Variants in GRM8 observed in about 807,000 individuals in gnomAD.
The protein encoded by GRM8 is glutamate metabotropic receptor 8.
A neutral mutation model predicts 87.2 loss-of-function variants in GRM8; 47 were observed. That is an observed-to-expected ratio of 0.54 (90% CI 0.43 to 0.69). GRM8 has a LOEUF of 0.69. Ranked by LOEUF, GRM8 falls within the 30% of genes least tolerant of loss-of-function variation. GRM8 has a pLI of 0.00. For synonymous variants in GRM8, 396 were observed against 404.5 expected (o/e 0.98, Z 0.25); for missense variants, 1,019 against 1,139.2 (o/e 0.89, Z 1.52).
intron 3 of GRM8, among the ~76,000 whole-genome samples, chr7:126,982,092 C>T (rs552579443): frequency 1.3e-5 from 2 of 152,236 alleles, no homozygotes; most frequent in East Asian, 3.9e-4. Flanking sequence ...AGCAAGGAAG[C>T]CAGTCTGAGT....
chr7:127,166,137 C>T (rs1391423627), intron 2 of GRM8, among the ~76,000 whole-genome samples: 1 of 152,110 alleles, frequency 6.6e-6, no homozygotes, highest in African/African-American at 2.4e-5. Context: ...TTTTAAAACA[C>T]ACACCCACCT....
At chr7:127,192,859 C>G (rs1443890222) in intron 2 of GRM8, among the ~76,000 whole-genome samples, 3 of 152,182 alleles carry the variant, frequency 2.0e-5, no homozygotes, top group Non-Finnish European at 4.4e-5. Context: ...CACACTCTGA[C>G]CCTGCTCTGG....
At chr7:126,650,708 C>T (rs904354113) in intron 7 of GRM8, among the ~76,000 whole-genome samples, 11 of 151,440 alleles carry the variant, frequency 7.3e-5, no homozygotes, top group African/African-American at 2.7e-4. Context: ...ATTTGTATCC[C>T]AAGTGAGCGC....
At chr7:126,928,892 AG>A (rs1385091534) in intron 3 of GRM8, among the ~76,000 whole-genome samples, 1 of 152,190 alleles carries the variant, frequency 6.6e-6, no homozygotes, top group African/African-American at 2.4e-5. Flanking sequence ...TACGTATTCA[AG>A]GGTGATGCAG....
chr7:126,906,477 G>A (rs951800395), intron 3 of GRM8, among the ~76,000 whole-genome samples: 6 of 152,006 alleles, frequency 3.9e-5, no homozygotes, highest in Non-Finnish European at 7.4e-5. Flanking sequence ...CCACCACACC[G>A]CACTGGTCTC....
rs151309283 is a variant in GRM8, at chr7:126,656,852, G to A, written c.1358-47354C>T. Among the ~76,000 whole-genome samples, 224 of 152,234 alleles carry A rather than the reference G, an allele frequency of 1.5e-3. 2 individuals are homozygous for A. The East Asian group carries it at 0.036, about 25-fold the overall frequency. On this transcript the variant is annotated intron_variant, in intron 7 of 10. Transcript: ENST00000339582. ...AAAAAGTTATGCCTCTCATCAGTAA[G>A]CATAGCCTTTAAAAGCTAGGCATAT...
intron 9 of GRM8, among the ~76,000 whole-genome samples, chr7:126,492,493 TACACAA>T (rs1808138460): frequency 1.3e-5 from 2 of 152,064 alleles, no homozygotes; most frequent in African/African-American, 2.4e-5. Flanking sequence ...ATTACTGACT[TACACAA>T]GGGCATGGTC....
At chr7:126,979,606 T>C (rs1029138706) in intron 3 of GRM8, among the ~76,000 whole-genome samples, 2 of 152,194 alleles carry the variant, frequency 1.3e-5, no homozygotes, top group African/African-American at 4.8e-5. Context: ...TTGAAGTTTT[T>C]CTAGTCATCT....
chr7:126,477,254 G>A (rs961150053), intron 9 of GRM8, among the ~76,000 whole-genome samples: 1 of 152,028 alleles, frequency 6.6e-6, no homozygotes, highest in Non-Finnish European at 1.5e-5. Flanking sequence ...GGGAAATGGG[G>A]TAATGTTGGT....
intron 9 of GRM8, among the ~76,000 whole-genome samples, chr7:126,470,998 A>G (rs1404948850): frequency 6.6e-6 from 1 of 152,194 alleles, no homozygotes; most frequent in Non-Finnish European, 1.5e-5. Context: ...TCTTTTGAGA[A>G]GTGTCTGCTC....
intron 7 of GRM8, among the ~76,000 whole-genome samples, chr7:126,611,132 T>C (rs1260532601): frequency 6.6e-6 from 1 of 152,218 alleles, no homozygotes; most frequent in African/African-American, 2.4e-5. Flanking sequence ...TTGATAGATG[T>C]ACATTACTCA....
chr7:126,829,635 A>C (rs926425535), intron 6 of GRM8, among the ~76,000 whole-genome samples: 7 of 151,946 alleles, frequency 4.6e-5, no homozygotes, highest in Non-Finnish European at 8.8e-5. Context: ...CAGCACACTG[A>C]TGGGTCTTGA....
At chr7:126,501,324 T>C (rs1203925632) in intron 9 of GRM8, among the ~76,000 whole-genome samples, 1 of 152,048 alleles carries the variant, frequency 6.6e-6, no homozygotes, top group Non-Finnish European at 1.5e-5. Context: ...CAGTTGATTT[T>C]TTCAACCATC....
chr7:126,998,075 A>G (rs1198023652), intron 3 of GRM8, among the ~76,000 whole-genome samples: 2 of 152,120 alleles, frequency 1.3e-5, no homozygotes, highest in African/African-American at 4.8e-5. Flanking sequence ...AAGATCATTC[A>G]TCATGACCAA....
At chr7:126,843,337 T>A (rs1203969970) in intron 6 of GRM8, among the ~76,000 whole-genome samples, 1 of 152,194 alleles carries the variant, frequency 6.6e-6, no homozygotes, top group African/African-American at 2.4e-5. Flanking sequence ...TTATCACATA[T>A]GGCTTGTGAG....
At chr7:126,556,037 C>T (rs946076160) in intron 8 of GRM8, among the ~76,000 whole-genome samples, 1 of 152,152 alleles carries the variant, frequency 6.6e-6, no homozygotes, top group Non-Finnish European at 1.5e-5. Context: ...AGCTTGAGCA[C>T]TTTCTTACCC....
chr7:126,539,498 A>G (rs983898311), intron 8 of GRM8, among the ~76,000 whole-genome samples: 3 of 152,032 alleles, frequency 2.0e-5, no homozygotes, highest in African/African-American at 7.2e-5. Flanking sequence ...TTTTGAAAGC[A>G]AAGAATAAAG....
chr7:126,916,736 G>T (rs902045829), intron 3 of GRM8, among the ~76,000 whole-genome samples: 1 of 152,160 alleles, frequency 6.6e-6, no homozygotes, highest in Non-Finnish European at 1.5e-5. Context: ...ATAGCAGAAA[G>T]GTCATTATTA....
At chr7:126,493,965 C>G (rs1300217697) in intron 9 of GRM8, among the ~76,000 whole-genome samples, 2 of 151,938 alleles carry the variant, frequency 1.3e-5, no homozygotes, top group African/African-American at 4.8e-5. Context: ...CCTGGCATGA[C>G]TGGCAGGGGA....
Sources: gnomAD v4.1 joint callset for allele counts (sites outside exome capture counted in the v4.1 genomes callset) on GRCh38, gnomAD v4.1.1 for gene constraint, MANE v1.5 for transcripts, NCBI Gene and HGNC (gene_info 2026-07-23, HGNC 2026-07-21) for gene names.